Variants in MOSPD2 observed in about 807,000 individuals in gnomAD.
The protein encoded by MOSPD2 is motile sperm domain-containing protein 2.
Under a neutral mutation model 41.7 loss-of-function variants are expected in MOSPD2, and 5 were observed. That is an observed-to-expected ratio of 0.12 (90% CI 0.06 to 0.25). The LOEUF (loss-of-function observed/expected upper bound fraction) is 0.25. Ranked by LOEUF, MOSPD2 falls within the 10% of genes least tolerant of loss-of-function variation. MOSPD2 has a pLI of 1.00. For synonymous variants in MOSPD2, 115 were observed against 126.9 expected, an observed-to-expected ratio of 0.91 and a Z score of 0.63; for missense variants, 282 against 375.2, an observed-to-expected ratio of 0.75 and a Z score of 2.05.
At chrX:14,899,493 T>C (rs2092568712) in intron 5 of MOSPD2, among the ~76,000 whole-genome samples, 1 of 97,248 alleles carries the variant, frequency 1.0e-5, no homozygotes. Flanking sequence ...GTGGCTATAA[T>C]GATTAGTTAC....
In MOSPD2 at chrX:14,873,449, C is replaced by T; in HGVS notation, c.-80C>T. The T allele has an allele frequency of 8.4e-7, 1 of 1,192,581 alleles. No individual in the cohort carries two copies. Among genetic ancestry groups the T allele is most frequent in the Non-Finnish European group, 1.1e-6 (1 of 878,423 alleles). On this transcript the variant is annotated 5_prime_UTR_variant, in exon 1 of 15. Transcript: ENST00000380492. Reference sequence around the variant, plus strand: ...CTTCTCTGTCTACCTCTGGGCGGGACTGCCGGGTGATGAGATACTCGGTCG... The same window carrying T: ...CTTCTCTGTCTACCTCTGGGCGGGATTGCCGGGTGATGAGATACTCGGTCG...
intron 2 of MOSPD2, among the ~76,000 whole-genome samples, chrX:14,885,998 G>A (rs149685962): frequency 1.8e-5 from 2 of 111,584 alleles, no homozygotes; most frequent in African/African-American, 3.3e-5. Context: ...TACTTACTGT[G>A]TATTGGGCAG....
chrX:14,894,314 TG>T (rs1187962006), intron 3 of MOSPD2, among the ~76,000 whole-genome samples: 3 of 80,800 alleles, frequency 3.7e-5, no homozygotes, highest in Non-Finnish European at 2.4e-5. Context: ...ATTTATTGAT[TG>T]ATTTTTTTTT....
Position 14,919,837 on chromosome X carries a change from T to C in MOSPD2, c.*28T>C, listed in dbSNP as rs1360422768. ...AAGTGGTGCCGGGTAGGAACCACGG[T>C]TCCTTCGTCCATTAGTTGGAAAAAG... On this transcript the variant is annotated 3_prime_UTR_variant, in exon 15 of 15. Transcript: ENST00000380492. 1 of 1,187,532 alleles carries C rather than the reference T, an allele frequency of 8.4e-7. No homozygotes were observed. Among genetic ancestry groups the C allele is most frequent in the Non-Finnish European group, 1.1e-6 (1 of 883,665 alleles).
At chrX:14,909,571 G>A (rs774845177) in intron 8 of MOSPD2, among the ~76,000 whole-genome samples, 1 of 111,286 alleles carries the variant, frequency 9.0e-6, no homozygotes, top group Admixed American at 9.6e-5. Context: ...AGTCTTTTTA[G>A]TTAAAAAGAT....
At chrX:14,912,085 A>G (rs1328662191) in intron 9 of MOSPD2, among the ~76,000 whole-genome samples, 164 bp from the exon 10 acceptor site, 2 of 112,223 alleles carry the variant, frequency 1.8e-5, no homozygotes, top group Non-Finnish European at 3.8e-5. Context: ...TGATAGATGG[A>G]TAAATACAAT....
chrX:14,901,730 G>A lies in MOSPD2; in HGVS notation c.538+1095G>A, dbSNP rs970832154. ...GCCTCCAGAGCAGTGCCAGTCATTG[G>A]TCAGTAGGGAATCACTACCCCATAG... On this transcript the variant is annotated intron_variant, in intron 6 of 14. Coordinates refer to ENST00000380492, the MANE Select transcript of MOSPD2 (RefSeq NM_152581.4). 5.4e-5 allele frequency among the ~76,000 whole-genome samples: 6 copies of A among 110,525 alleles called. No homozygotes were observed. In the South Asian group the frequency reaches 2.3e-3, roughly 42 times the overall value.
At chrX:14,879,810 C>A (rs777458907) in intron 2 of MOSPD2, among the ~76,000 whole-genome samples, 11 of 110,791 alleles carry the variant, frequency 9.9e-5, no homozygotes, top group Non-Finnish European at 1.9e-4. Context: ...TTTTCTACAT[C>A]CTAAAAATAG....
chrX:14,873,851 G>C, intron 2 of MOSPD2, 93 bp downstream of exon 2: 1 of 764,266 alleles, frequency 1.3e-6, no homozygotes, highest in Non-Finnish European at 2.0e-6. Flanking sequence ...GGAGGTGTTA[G>C]GGACCCTTTC....
Position 14,920,459 on chromosome X carries a change from C to T in MOSPD2, c.*650C>T, listed in dbSNP as rs772725502. On this transcript the variant is annotated 3_prime_UTR_variant, in exon 15 of 15. Coordinates refer to ENST00000380492, the MANE Select transcript of MOSPD2 (RefSeq NM_152581.4). ...TATTAATCTCAGGCTTTTTTATGAA[C>T]ACTCTCATTTCAGTAGAATTTGGAA... 1.3e-6 allele frequency: 1 copy of T among 752,325 alleles called. No homozygotes were observed. Among genetic ancestry groups the T allele is most frequent in the South Asian group, 6.8e-5 (1 of 14,717 alleles). 62.0% of individuals were successfully genotyped at this position (752,325 alleles called of 1,213,427 possible). A position where few individuals can be genotyped will look rare whatever the true frequency, so the allele number is the denominator to read the frequency against.
intron 2 of MOSPD2, chrX:14,873,983 T>C: frequency 4.9e-6 from 2 of 410,512 alleles, no homozygotes; most frequent in Non-Finnish European, 8.5e-6. Context: ...TTAATGTAAG[T>C]TGGAAATCGG....
chrX:14,887,740 G>A (rs910956661), intron 2 of MOSPD2, among the ~76,000 whole-genome samples: 2 of 109,278 alleles, frequency 1.8e-5, no homozygotes, highest in Non-Finnish European at 3.9e-5. Flanking sequence ...GTGTGTGAGA[G>A]AGAAACAGTG....
chrX:14,921,635 A>G lies in MOSPD2; in HGVS notation c.*1826A>G, dbSNP rs2092609795. The G allele has an allele frequency of 1.6e-5, 4 of 254,106 alleles. No homozygotes were observed. The highest frequency in any genetic ancestry group is 1.1e-4 in the African/African-American group (4 of 35,510). 20.9% of individuals were successfully genotyped at this position (254,106 alleles called of 1,213,427 possible). ...TGAAAAATTATGTTGACCCACTAAA[A>G]TATCCTTGCTCAATGTCTGGTCAGT... On this transcript the variant is annotated 3_prime_UTR_variant, in exon 15 of 15. Coordinates refer to ENST00000380492, the MANE Select transcript of MOSPD2 (RefSeq NM_152581.4).
chrX:14,900,427 C>T (rs2092571045), intron 5 of MOSPD2, 148 bp from the exon 6 acceptor site: 1 of 295,888 alleles, frequency 3.4e-6, no homozygotes, highest in Non-Finnish European at 6.1e-6. Flanking sequence ...AACCTTAATC[C>T]TTGAGAATAT....
chrX:14,910,220 A>G (rs2147500534), intron 8 of MOSPD2, among the ~76,000 whole-genome samples: 1 of 110,761 alleles, frequency 9.0e-6, no homozygotes, highest in East Asian at 2.8e-4. Flanking sequence ...TGAAAAGTAT[A>G]ACAGTACCAT....
Position 14,922,052 on chromosome X carries a change from A to G in MOSPD2, c.*2243A>G, listed in dbSNP as rs1051444103. On this transcript the variant is annotated 3_prime_UTR_variant, in exon 15 of 15. Coordinates refer to ENST00000380492, the MANE Select transcript of MOSPD2 (RefSeq NM_152581.4). ...CGATTGCTGGTAAACCTGGCCTCAAATTTCATACTACCATAACTGTTTTTA... is the reference window on the plus strand; with the variant it reads ...CGATTGCTGGTAAACCTGGCCTCAAGTTTCATACTACCATAACTGTTTTTA... The G allele has an allele frequency of 2.7e-5, 3 of 111,227 alleles. No homozygotes were observed. The highest frequency in any genetic ancestry group is 9.8e-5 in the African/African-American group (3 of 30,595). 9.2% of individuals were successfully genotyped at this position (111,227 alleles called of 1,213,427 possible).
At chrX:14,903,694 C>T (rs1481341126) in intron 7 of MOSPD2, among the ~76,000 whole-genome samples, 1 of 112,119 alleles carries the variant, frequency 8.9e-6, no homozygotes, top group Non-Finnish European at 1.9e-5. Context: ...TCAGTTGTTA[C>T]ATAGAAAGCA....
Position 14,919,897 on chromosome X carries a change from C to T in MOSPD2, c.*88C>T, listed in dbSNP as rs1295156709. ...TAAAACTCTACCAAGCTACTAAAAA[C>T]ATTGCACATCTGTGCTTCCTAAAAG... On this transcript the variant is annotated 3_prime_UTR_variant, in exon 15 of 15. Coordinates refer to ENST00000380492, the MANE Select transcript of MOSPD2 (RefSeq NM_152581.4). 1.8e-6 allele frequency: 2 copies of T among 1,123,192 alleles called. No homozygotes were observed. The highest frequency in any genetic ancestry group is 2.3e-6 in the Non-Finnish European group (2 of 854,829). 92.6% of individuals were successfully genotyped at this position (1,123,192 alleles called of 1,213,427 possible).
At chrX:14,913,725 C>T (rs1186705128) in intron 10 of MOSPD2, among the ~76,000 whole-genome samples, 4 of 112,087 alleles carry the variant, frequency 3.6e-5, no homozygotes, top group Non-Finnish European at 7.5e-5. Context: ...TCAAAATCAA[C>T]GGCTTGCTGA....
Sources: gnomAD v4.1 joint callset for allele counts (sites outside exome capture counted in the v4.1 genomes callset) on GRCh38, gnomAD v4.1.1 for gene constraint, MANE v1.5 for transcripts, NCBI Gene and HGNC (gene_info 2026-07-23, HGNC 2026-07-21) for gene names.